FOXP1: variants seen among roughly 807,000 people sequenced by gnomAD.
FOXP1 encodes forkhead box P1.
In FOXP1, 15 loss-of-function variants were observed where a neutral mutation model predicts 98.2. That is an observed-to-expected ratio of 0.15 (90% CI 0.10 to 0.24). The LOEUF (loss-of-function observed/expected upper bound fraction) is 0.24, where lower values mean the gene tolerates loss of function less well. FOXP1 is among the 10% of genes least tolerant of loss of function. The pLI is 1.00. For missense variants in FOXP1, 633 were observed against 848.5 expected (o/e 0.75, Z 3.15); for synonymous variants, 371 against 314.5 (o/e 1.18, Z -1.90).
rs1455402140 is a variant in FOXP1, at chr3:70,993,942, C to T, written c.1063-5865G>A. ...CCGGGAGGTGGAAGTTGCAGTGAGC[C>T]GAGATCCTGCCACCTACACTCCAGC... On this transcript the variant is annotated intron_variant, in intron 13 of 20. Coordinates refer to ENST00000649528, the MANE Select transcript of FOXP1 (RefSeq NM_001349338.3). Among the ~76,000 whole-genome samples, 11 of 150,468 alleles carry T rather than the reference C, an allele frequency of 7.3e-5. No individual in the cohort carries two copies. In the East Asian group the frequency reaches 2.0e-3, roughly 27 times the overall value.
intron 3 of FOXP1, among the ~76,000 whole-genome samples, chr3:71,457,893 C>A (rs1355009677): frequency 6.6e-6 from 1 of 152,222 alleles, no homozygotes; most frequent in Non-Finnish European, 1.5e-5. Flanking sequence ...CAGTGCCCAA[C>A]ATGGGGGCAC....
chr3:71,182,533 T>TGC (rs1491438677), intron 6 of FOXP1, among the ~76,000 whole-genome samples: 11 of 109,964 alleles, frequency 1.0e-4, no homozygotes, highest in African/African-American at 3.9e-4. Context: ...TGTGTGTGTG[T>TGC]ATATATGTAT....
At chr3:71,141,655 A>G (rs77143959) in intron 6 of FOXP1, among the ~76,000 whole-genome samples, 3,684 of 152,290 alleles carry the variant, frequency 0.024, 155 homozygotes, top group African/African-American at 0.085. Flanking sequence ...TGGGCCTAGG[A>G]GGGAGAACAA....
chr3:71,283,717 AGCCTTT>A (rs1248816450), intron 5 of FOXP1, among the ~76,000 whole-genome samples: 1 of 152,196 alleles, frequency 6.6e-6, no homozygotes, highest in East Asian at 1.9e-4. Context: ...TTTGCAAAAG[AGCCTTT>A]TGGTTTTTTT....
intron 2 of FOXP1, among the ~76,000 whole-genome samples, chr3:71,527,560 A>G (rs372529425): frequency 1.3e-5 from 2 of 152,402 alleles, no homozygotes; most frequent in East Asian, 3.9e-4. Flanking sequence ...CTCAAGGTCT[A>G]CATAGACCTA....
chr3:71,408,764 T>C (rs1361138271), intron 3 of FOXP1, among the ~76,000 whole-genome samples: 2 of 152,214 alleles, frequency 1.3e-5, no homozygotes, highest in Non-Finnish European at 2.9e-5. Flanking sequence ...CACCCTGTCA[T>C]AACCATTCCA....
intron 3 of FOXP1, among the ~76,000 whole-genome samples, chr3:71,459,576 C>T (rs766534530): frequency 8.5e-5 from 13 of 152,210 alleles, no homozygotes; most frequent in Non-Finnish European, 1.9e-4. Context: ...GGCAATCTCC[C>T]TCTTCGTCTT....
rs1286034993 is a variant in FOXP1, at chr3:71,112,718, C to T, written c.181-81G>A. ...TCATAAAAAAGGATTCCAGGAAGTG[C>T]GCTTTGGGACTGGGTCCTGACTTTC... is the stretch of plus-strand genomic sequence containing the variant. On this transcript the variant is annotated intron_variant, in intron 6 of 20. Transcript: ENST00000649528. The T allele has an allele frequency of 2.5e-5, 25 of 1,009,776 alleles. No individual in the cohort carries two copies. In the East Asian group the frequency reaches 3.8e-4, roughly 15 times the overall value. 62.6% of individuals were successfully genotyped at this position (1,009,776 alleles called of 1,614,324 possible). A position where few individuals can be genotyped will look rare whatever the true frequency, so the allele number is the denominator to read the frequency against.
At chr3:70,998,202 T>C (rs2041643246) in intron 13 of FOXP1, among the ~76,000 whole-genome samples, 2 of 152,290 alleles carry the variant, frequency 1.3e-5, no homozygotes, top group South Asian at 2.1e-4. Context: ...TTGCAGGCCA[T>C]GTAGATTTCA....
At chr3:71,088,849 T>G (rs1385374950) in intron 7 of FOXP1, among the ~76,000 whole-genome samples, 1 of 152,202 alleles carries the variant, frequency 6.6e-6, no homozygotes. Context: ...ACTCACCAAA[T>G]ACCTTAGTGC....
intron 10 of FOXP1, among the ~76,000 whole-genome samples, chr3:71,042,548 G>A (rs1427307212): frequency 6.6e-6 from 1 of 152,138 alleles, no homozygotes; most frequent in Non-Finnish European, 1.5e-5. Context: ...AACTTCCTTT[G>A]GAGGAACACC....
chr3:70,973,089 G>A (rs145700290), intron 17 of FOXP1, among the ~76,000 whole-genome samples: 9 of 152,240 alleles, frequency 5.9e-5, no homozygotes, highest in East Asian at 1.9e-4. Flanking sequence ...AGGAACACTT[G>A]GTTAATACTG....
intron 2 of FOXP1, among the ~76,000 whole-genome samples, chr3:71,494,176 C>T (rs1169947630): frequency 6.6e-6 from 1 of 152,094 alleles, no homozygotes; most frequent in Non-Finnish European, 1.5e-5. Context: ...GAGTTCTGGA[C>T]CCGGTATGGT....
chr3:71,252,469 TA>T (rs1212025064), intron 5 of FOXP1, among the ~76,000 whole-genome samples: 1 of 152,118 alleles, frequency 6.6e-6, no homozygotes, highest in African/African-American at 2.4e-5. Flanking sequence ...GTGGAGCTAA[TA>T]AAAAGTGTAA....
intron 7 of FOXP1, among the ~76,000 whole-genome samples, chr3:71,090,638 C>T (rs1306107728): frequency 6.6e-6 from 1 of 152,186 alleles, no homozygotes; most frequent in Admixed American, 6.5e-5. Flanking sequence ...AACTGTGCAA[C>T]TGCCTCCTTA....
intron 7 of FOXP1, among the ~76,000 whole-genome samples, chr3:71,091,488 TCAAAACAAAACAAAA>T (rs3064143): frequency 9.3e-5 from 14 of 150,010 alleles, no homozygotes; most frequent in Admixed American, 6.0e-4. Flanking sequence ...AGACTCCGTC[TCAAAACAAAACAAAA>T]CAAAACAAAA....
intron 5 of FOXP1, among the ~76,000 whole-genome samples, chr3:71,228,278 G>A (rs761590800): frequency 1.9e-4 from 29 of 151,734 alleles, no homozygotes; most frequent in Non-Finnish European, 2.9e-4. Flanking sequence ...TTCTCTATAC[G>A]CACCGAAATT....
intron 2 of FOXP1, among the ~76,000 whole-genome samples, chr3:71,514,531 G>C (rs924312356): frequency 1.2e-4 from 19 of 152,174 alleles, no homozygotes; most frequent in African/African-American, 4.6e-4. Context: ...CCACATGCCT[G>C]GAACAGTGTC....
chr3:71,320,832 C>T (rs531645404), intron 4 of FOXP1, among the ~76,000 whole-genome samples: 6 of 152,208 alleles, frequency 3.9e-5, no homozygotes, highest in Admixed American at 3.3e-4. Context: ...CAGCAACACG[C>T]GGCCAAGCAA....
Sources: gnomAD v4.1 joint callset for allele counts (sites outside exome capture counted in the v4.1 genomes callset) on GRCh38, gnomAD v4.1.1 for gene constraint, MANE v1.5 for transcripts, NCBI Gene and HGNC (gene_info 2026-07-23, HGNC 2026-07-21) for gene names.